The following ARHGEF4 variants were observed in gnomAD, a reference collection of about 807,000 sequenced individuals.
ARHGEF4 encodes the protein Rho guanine nucleotide exchange factor 4, also known as APC-stimulated guanine nucleotide exchange factor 1.
A neutral mutation model predicts 162.0 loss-of-function variants in ARHGEF4; 119 were observed. The observed-to-expected ratio is 0.73, with a 90% CI of 0.63 to 0.86. ARHGEF4 has a LOEUF of 0.86. Ranked by LOEUF, ARHGEF4 falls within the 40% of genes least tolerant of loss-of-function variation. The pLI, the probability that ARHGEF4 is intolerant of heterozygous loss-of-function variation, is 0.00. For missense variants in ARHGEF4, 2,488 were observed against 2,456.0 expected (o/e 1.01, Z -0.28); for synonymous variants, 1,014 against 979.9 (o/e 1.03, Z -0.65).
rs539292688 is a variant in ARHGEF4, at chr2:130,837,748, C to G, written c.39+756C>G. The stretch of plus-strand genomic sequence containing the variant: ...TGCGACGCTGGGTGGTGCTGAGCTC[C>G]GATGGGCTCCTACTCCGGGAGCAAC... On this transcript the variant is annotated intron_variant, in intron 1 of 13. Transcript: ENST00000409359. The G allele has an allele frequency of 1.1e-4, 36 of 342,482 alleles. 2 individuals are homozygous for G. The highest frequency in any genetic ancestry group is 6.8e-4 in the South Asian group (33 of 48,850). 21.2% of individuals were successfully genotyped at this position (342,482 alleles called of 1,614,324 possible). A position where few individuals can be genotyped will look rare whatever the true frequency, so the allele number is the denominator to read the frequency against.
chr2:130,885,714 C>T (rs1359560902), intron 1 of ARHGEF4, among the ~76,000 whole-genome samples: 2 of 151,334 alleles, frequency 1.3e-5, no homozygotes, highest in East Asian at 1.9e-4. Flanking sequence ...GGACTACAGG[C>T]GCCCGCCACC....
At chr2:130,937,446 CTG>C (rs920834812) in intron 3 of ARHGEF4, among the ~76,000 whole-genome samples, 20 of 152,020 alleles carry the variant, frequency 1.3e-4, no homozygotes, top group African/African-American at 4.6e-4. Flanking sequence ...GAACTTTTAC[CTG>C]TTTTTTTAAT....
chr2:130,915,267 T>C lies in ARHGEF4; in HGVS notation c.1321T>C (p.Cys441Arg). The change falls in exon 2 of 14, where the codon TGC becomes CGC. Residue 441 changes from cysteine to arginine, a missense_variant. Physicochemically the swap from Cys to Arg is radical, Grantham distance 180. Around this residue, in one of 6 missense-constraint regions of ARHGEF4, gnomAD observed 1,642 missense variants for 1,481.5 expected, o/e 1.11. Coordinates refer to ENST00000409359, the MANE Select transcript of ARHGEF4 (RefSeq NM_001367493.1). Reference sequence around the variant, plus strand: ...TTCCAGGTCATGTCTGGTGGCTTCATGCCTCACCTCAGAGTTAGTGAAGCT... The same window carrying C: ...TTCCAGGTCATGTCTGGTGGCTTCACGCCTCACCTCAGAGTTAGTGAAGCT... ...QDSRSCLVASCLTSELVKLSA... is the reference protein window; with the variant it reads ...QDSRSCLVASRLTSELVKLSA... 6.4e-7 allele frequency: 1 copy of C among 1,550,604 alleles called. No homozygotes were observed. The highest frequency in any genetic ancestry group is 8.7e-7 in the Non-Finnish European group (1 of 1,147,008).
intron 1 of ARHGEF4, among the ~76,000 whole-genome samples, chr2:130,896,723 T>A (rs1463675208): frequency 2.0e-5 from 3 of 152,134 alleles, no homozygotes; most frequent in Non-Finnish European, 4.4e-5. Flanking sequence ...TCACTTATAT[T>A]TGGCAAACAA....
At chr2:130,994,129 G>A (rs951800404) in intron 4 of ARHGEF4, among the ~76,000 whole-genome samples, 2 of 152,236 alleles carry the variant, frequency 1.3e-5, no homozygotes, top group East Asian at 3.9e-4. Context: ...CTCATAAACA[G>A]CAAGTGAGTG....
intron 4 of ARHGEF4, chr2:131,011,588 G>T: frequency 6.6e-7 from 1 of 1,509,916 alleles, no homozygotes; most frequent in South Asian, 1.2e-5. Flanking sequence ...AGCATTTCAT[G>T]CTATTAATCC....
intron 4 of ARHGEF4, among the ~76,000 whole-genome samples, chr2:131,007,871 G>C (rs1452635447): frequency 7.4e-6 from 1 of 134,968 alleles, no homozygotes; most frequent in Admixed American, 8.1e-5. Flanking sequence ...GAGTGCAATG[G>C]CACGATCTCA....
chr2:130,962,093 G>T (rs1440317610), intron 4 of ARHGEF4, among the ~76,000 whole-genome samples: 1 of 152,186 alleles, frequency 6.6e-6, no homozygotes, highest in Non-Finnish European at 1.5e-5. Flanking sequence ...ACAAAAATTA[G>T]CTGGGCATGG....
intron 1 of ARHGEF4, among the ~76,000 whole-genome samples, chr2:130,888,005 TC>T (rs1175555249): frequency 6.6e-6 from 1 of 152,128 alleles, no homozygotes; most frequent in Non-Finnish European, 1.5e-5. Flanking sequence ...GTGTGCAGCT[TC>T]CCAGGGTCTT....
In ARHGEF4 at chr2:130,916,486, C is replaced by T. The variant is rs1301595327; in HGVS notation, c.2540C>T (p.Pro847Leu). ...PPAAAGRDAPPLHHGDASAWP... is the reference protein window; with the variant it reads ...PPAAAGRDAPLLHHGDASAWP... ...GCTGCGGCCGGTCGGGACGCACCGC[C>T]TCTGCACCACGGGGACGCCAGCGCC... Residue 847 changes from proline (P) to leucine (L), a missense_variant, in exon 2 of 14, where the codon CCT (proline) becomes CTT (leucine). Transcript: ENST00000409359. 2.6e-6 allele frequency: 4 copies of T among 1,546,826 alleles called. No homozygotes were observed. Among genetic ancestry groups the T allele is most frequent in the African/African-American group, 2.7e-5 (2 of 72,998 alleles).
chr2:130,987,570 C>T (rs1014799999), intron 4 of ARHGEF4, among the ~76,000 whole-genome samples: 1 of 152,186 alleles, frequency 6.6e-6, no homozygotes, highest in South Asian at 2.1e-4. Context: ...CAATCCTCCC[C>T]ATTATTGGCT....
intron 4 of ARHGEF4, among the ~76,000 whole-genome samples, chr2:130,948,557 A>G (rs951039311): frequency 3.9e-5 from 6 of 152,194 alleles, no homozygotes; most frequent in African/African-American, 1.2e-4. Flanking sequence ...TCATAATCAT[A>G]TTTTCCTATT....
At chr2:130,879,053 A>G (rs1206189170) in intron 1 of ARHGEF4, among the ~76,000 whole-genome samples, 2 of 152,196 alleles carry the variant, frequency 1.3e-5, no homozygotes, top group Non-Finnish European at 2.9e-5. Context: ...TTGGAGCACC[A>G]CGGAAGAGCA....
chr2:130,938,771 T>G (rs1683112272), intron 3 of ARHGEF4, among the ~76,000 whole-genome samples: 1 of 152,168 alleles, frequency 6.6e-6, no homozygotes, highest in East Asian at 1.9e-4. Context: ...ATTTTTTTCG[T>G]TTATGGATGT....
intron 4 of ARHGEF4, among the ~76,000 whole-genome samples, chr2:130,988,889 TATATATATATATAGAGAGAGAGAGAGAG>T (rs1686721145): frequency 1.7e-5 from 2 of 116,422 alleles, no homozygotes; most frequent in African/African-American, 6.2e-5. Flanking sequence ...TATATATATA[TATATATATATATAGAGAGAGAGAGAGAG>T]AGAGAGAGAG....
At chr2:130,887,404 A>T (rs1679587998) in intron 1 of ARHGEF4, among the ~76,000 whole-genome samples, 1 of 152,002 alleles carries the variant, frequency 6.6e-6, no homozygotes. Context: ...GAGAACTGGC[A>T]CTTAACAATA....
At chr2:130,895,910 A>T (rs1034170325) in intron 1 of ARHGEF4, among the ~76,000 whole-genome samples, 6 of 152,088 alleles carry the variant, frequency 3.9e-5, no homozygotes, top group Non-Finnish European at 8.8e-5. Flanking sequence ...ATCCAATATC[A>T]TGGAGATTTT....
intron 4 of ARHGEF4, among the ~76,000 whole-genome samples, chr2:130,991,591 C>A (rs1195646926): frequency 1.3e-5 from 2 of 152,256 alleles, no homozygotes; most frequent in Admixed American, 6.5e-5. Context: ...GCACCCGGGC[C>A]AGCGGCTGCA....
chr2:131,030,943 T>C (rs1030689510), intron 5 of ARHGEF4, among the ~76,000 whole-genome samples: 4 of 152,198 alleles, frequency 2.6e-5, no homozygotes, highest in African/African-American at 4.8e-5. Flanking sequence ...AGGGCAGCAC[T>C]CCCACGGGCT....
Sources: gnomAD v4.1 joint callset for allele counts (sites outside exome capture counted in the v4.1 genomes callset) on GRCh38, gnomAD v4.1.1 for gene constraint, gnomAD v4.1.1 regional missense constraint, MANE v1.5 for transcripts, NCBI Gene and HGNC (gene_info 2026-07-23, HGNC 2026-07-21) for gene names.